LNP1: variants seen among roughly 807,000 people sequenced by gnomAD.
The protein encoded by LNP1 is leukemia NUP98 fusion partner 1.
A neutral mutation model predicts 14.5 loss-of-function variants in LNP1; 12 were observed. That is an observed-to-expected ratio of 0.83 (90% CI 0.53 to 1.34). LNP1 has a LOEUF of 1.34. Ranked by LOEUF, LNP1 falls within the 40% of genes most tolerant of loss-of-function variation. The probability of loss-of-function intolerance (pLI) is 0.00; values close to 1 mark genes in which losing one functional copy is unlikely to be tolerated. For synonymous variants in LNP1, 75 were observed against 71.4 expected, an observed-to-expected ratio of 1.05 and a Z score of -0.26; for missense variants, 198 against 210.9, an observed-to-expected ratio of 0.94 and a Z score of 0.38.
At chr3:100,415,059 C>T (rs1008030942) in intron 1 of LNP1, among the ~76,000 whole-genome samples, 3 of 152,136 alleles carry the variant, frequency 2.0e-5, no homozygotes, top group Non-Finnish European at 2.9e-5. Context: ...AAAACTAAAA[C>T]TTTAAACTTT....
At chr3:100,409,260 G>A (rs899732615) in intron 1 of LNP1, among the ~76,000 whole-genome samples, 1 of 152,120 alleles carries the variant, frequency 6.6e-6, no homozygotes, top group Non-Finnish European at 1.5e-5. Flanking sequence ...CTTAGGTGTA[G>A]AGCCTAGTGA....
At chr3:100,412,689 C>G (rs1347849472) in intron 1 of LNP1, among the ~76,000 whole-genome samples, 1 of 152,126 alleles carries the variant, frequency 6.6e-6, no homozygotes, top group African/African-American at 2.4e-5. Context: ...TATGTCAGAG[C>G]AAAGTAATAT....
In LNP1 at chr3:100,438,547, A is replaced by G. The variant is rs191701701; in HGVS notation, c.156+8662A>G. 5.3e-5 allele frequency among the ~76,000 whole-genome samples: 8 copies of G among 152,330 alleles called. No individual in the cohort carries two copies. In the East Asian group the frequency reaches 9.6e-4, roughly 18 times the overall value. On this transcript the variant is annotated intron_variant, in intron 2 of 3. Transcript: ENST00000383693. ...ACATTTTATGGGTTTGTACAAATGT[A>G]TAATGGCACGCACCTACCATTATAG...
At chr3:100,414,271 G>A (rs1012919398) in intron 1 of LNP1, among the ~76,000 whole-genome samples, 4 of 152,172 alleles carry the variant, frequency 2.6e-5, no homozygotes, top group Non-Finnish European at 4.4e-5. Flanking sequence ...AAGTGGTCAG[G>A]TGCGGTGGCT....
intron 1 of LNP1, among the ~76,000 whole-genome samples, chr3:100,417,371 CTTTTTTTTTTT>C (rs562000656): frequency 4.6e-5 from 3 of 64,626 alleles, no homozygotes; most frequent in African/African-American, 1.7e-4. Flanking sequence ...TTTCTTTTTT[CTTTTTTTTTTT>C]TTTTTTTTTT....
rs1707133712 is a variant in LNP1, at chr3:100,420,498, A to C, written c.-33-9199A>C. 3.3e-5 allele frequency among the ~76,000 whole-genome samples: 5 copies of C among 151,600 alleles called. 1 individual carries two copies. The South Asian group carries it at 1.0e-3, about 32-fold the overall frequency. The stretch of plus-strand genomic sequence containing the variant: ...GGCTAGTTTTTTTAAAAAAAATTTT[A>C]TAGAGACAGGGTCTCCCTATGTTGC... On this transcript the variant is annotated intron_variant, in intron 1 of 3. Coordinates refer to ENST00000383693, the MANE Select transcript of LNP1 (RefSeq NM_001085451.2).
intron 1 of LNP1, among the ~76,000 whole-genome samples, chr3:100,416,250 C>G (rs935866735): frequency 6.6e-6 from 1 of 152,140 alleles, no homozygotes; most frequent in Non-Finnish European, 1.5e-5. Flanking sequence ...GAAATTCAAA[C>G]TGTTCCATCT....
chr3:100,417,972 TTC>T (rs1462059479), intron 1 of LNP1, among the ~76,000 whole-genome samples: 1 of 152,062 alleles, frequency 6.6e-6, no homozygotes, highest in Non-Finnish European at 1.5e-5. Context: ...ACATGATTTT[TTC>T]TCTTTATTTC....
intron 1 of LNP1, among the ~76,000 whole-genome samples, chr3:100,416,044 A>T (rs1707080630): frequency 6.6e-6 from 1 of 152,236 alleles, no homozygotes; most frequent in Admixed American, 6.5e-5. Flanking sequence ...ATGAACCTAG[A>T]GTCTGGACTA....
chr3:100,433,409 T>C (rs761589367), intron 2 of LNP1, among the ~76,000 whole-genome samples: 1 of 152,260 alleles, frequency 6.6e-6, no homozygotes, highest in Non-Finnish European at 1.5e-5. Flanking sequence ...CATTCTTTTT[T>C]ATGGCTGCAT....
At chr3:100,420,631 G>A (rs768562451) in intron 1 of LNP1, among the ~76,000 whole-genome samples, 1 of 151,822 alleles carries the variant, frequency 6.6e-6, no homozygotes, top group Non-Finnish European at 1.5e-5. Context: ...TTTTCTGATT[G>A]GATTATGTGT....
chr3:100,412,323 AC>A (rs574758226), intron 1 of LNP1, among the ~76,000 whole-genome samples: 77 of 152,256 alleles, frequency 5.1e-4, no homozygotes, highest in African/African-American at 1.7e-3. Flanking sequence ...AAAGGGATCC[AC>A]CCCGTTGACC....
rs35862297 is a variant in LNP1, at chr3:100,422,182, C to CT, written c.-33-7496dup. ...CACTGATGAACTGGATTGATAAAGT[C>CT]TTTTTTTTTTTTTTTTTTTGCTATG... On this transcript the variant is annotated intron_variant, in intron 1 of 3. Coordinates refer to ENST00000383693, the MANE Select transcript of LNP1 (RefSeq NM_001085451.2). Among the ~76,000 whole-genome samples the CT allele has an allele frequency of 3.3e-3, 333 of 101,592 alleles. 2 individuals carry two copies. Among genetic ancestry groups the CT allele is most frequent in the Non-Finnish European group, 4.4e-3 (230 of 51,788 alleles). 66.6% of individuals were successfully genotyped at this position (101,592 alleles called of 152,430 possible).
At chr3:100,430,533 G>A (rs980903524) in intron 2 of LNP1, among the ~76,000 whole-genome samples, 5 of 152,172 alleles carry the variant, frequency 3.3e-5, no homozygotes, top group East Asian at 1.9e-4. Context: ...ATGTACAGGC[G>A]GCTATTCTCT....
At chr3:100,417,976 C>G (rs1305776705) in intron 1 of LNP1, among the ~76,000 whole-genome samples, 1 of 150,766 alleles carries the variant, frequency 6.6e-6, no homozygotes, top group East Asian at 1.9e-4. Context: ...GATTTTTTCT[C>G]TTTATTTCTA....
At chr3:100,409,970 T>C (rs1430956071) in intron 1 of LNP1, among the ~76,000 whole-genome samples, 9 of 151,994 alleles carry the variant, frequency 5.9e-5, no homozygotes, top group African/African-American at 2.2e-4. Flanking sequence ...TATCTATCTA[T>C]CTATCTATCT....
At chr3:100,432,138 A>T (rs1313090731) in intron 2 of LNP1, among the ~76,000 whole-genome samples, 9 of 146,944 alleles carry the variant, frequency 6.1e-5, no homozygotes, top group African/African-American at 2.0e-4. Flanking sequence ...GCTTACTCTT[A>T]TCCTTACTTT....
intron 1 of LNP1, among the ~76,000 whole-genome samples, chr3:100,423,857 C>T (rs1707168526): frequency 6.6e-6 from 1 of 152,176 alleles, no homozygotes; most frequent in Non-Finnish European, 1.5e-5. Context: ...TCCCCAGCAG[C>T]ATCTCCTCAA....
chr3:100,418,170 C>T (rs1353031995), intron 1 of LNP1, among the ~76,000 whole-genome samples: 7 of 151,334 alleles, frequency 4.6e-5, no homozygotes, highest in Non-Finnish European at 8.8e-5. Flanking sequence ...AGCAAATCTC[C>T]TGCCTCAGTC....
Sources: gnomAD v4.1 joint callset for allele counts (sites outside exome capture counted in the v4.1 genomes callset) on GRCh38, gnomAD v4.1.1 for gene constraint, MANE v1.5 for transcripts, NCBI Gene and HGNC (gene_info 2026-07-23, HGNC 2026-07-21) for gene names.